The following AOPEP variants were observed in gnomAD, a reference collection of about 807,000 sequenced individuals.
AOPEP encodes the protein aminopeptidase O.
Under a neutral mutation model 98.1 loss-of-function variants are expected in AOPEP, and 77 were observed. That is an observed-to-expected ratio of 0.78 (90% CI 0.65 to 0.95). AOPEP has a LOEUF of 0.95. Among genes scored for constraint, AOPEP ranks in the 40% least tolerant of loss-of-function variants. AOPEP has a pLI of 0.00. For synonymous variants in AOPEP, 346 were observed against 365.3 expected, an observed-to-expected ratio of 0.95 and a Z score of 0.60; for missense variants, 1,024 against 1,024.7, an observed-to-expected ratio of 1.00 and a Z score of 0.01.
chr9:94,955,912 ACTTC>A lies in AOPEP; in HGVS notation c.1774_1777del (p.Leu592PhefsTer17). 1 of 1,607,868 alleles carries A rather than the reference ACTTC, an allele frequency of 6.2e-7. No individual in the cohort carries two copies. The highest frequency in any genetic ancestry group is 8.5e-7 in the Non-Finnish European group (1 of 1,176,280). On this transcript the variant is annotated frameshift_variant, in exon 9 of 17. Transcript: ENST00000375315. LOFTEE classifies it high-confidence loss of function. ...TCTCTTTTTTCTTTCTTCTAGGGCT[ACTTC>A]CTTCTTCGGTTTCTTGCCAAAAGAC... is the stretch of plus-strand genomic sequence containing the variant.
chr9:95,105,672 T>C, the AOPEP span, among the ~76,000 whole-genome samples: 1 of 152,180 alleles, frequency 6.6e-6, no homozygotes, highest in Non-Finnish European at 1.5e-5. Context: ...CTTGGGAAAC[T>C]CTAGCACTTC....
At chr9:94,996,387 T>A (rs1012515099) in intron 11 of AOPEP, among the ~76,000 whole-genome samples, 4 of 143,856 alleles carry the variant, frequency 2.8e-5, no homozygotes, top group African/African-American at 8.0e-5. Flanking sequence ...TGTGTGTGTG[T>A]GTGTGAGAGA....
intron 5 of AOPEP, among the ~76,000 whole-genome samples, chr9:94,923,012 G>A (rs1318148664): frequency 6.6e-6 from 1 of 152,200 alleles, no homozygotes; most frequent in Admixed American, 6.5e-5. Flanking sequence ...GGAGGAACCG[G>A]TGTGTACAGT....
intron 5 of AOPEP, among the ~76,000 whole-genome samples, chr9:94,892,669 G>C (rs2049008253): frequency 6.6e-6 from 1 of 150,542 alleles, no homozygotes; most frequent in Non-Finnish European, 1.5e-5. Context: ...CTATTGTCCT[G>C]TTGTCATTTG....
downstream of AOPEP, among the ~76,000 whole-genome samples, chr9:95,089,698 G>T (rs956101704): frequency 1.3e-5 from 2 of 152,300 alleles, no homozygotes; most frequent in South Asian, 4.1e-4. Context: ...GTGGGGGCAC[G>T]GGCTGCTTTG....
Position 94,760,098 on chromosome 9 carries a change from T to G in AOPEP, c.315T>G (p.Gly105=). 1 of 1,614,088 alleles carries G rather than the reference T, an allele frequency of 6.2e-7. No homozygotes were observed. The highest frequency in any genetic ancestry group is 8.5e-7 in the Non-Finnish European group (1 of 1,180,000). Reference sequence around the variant, plus strand: ...ATGATTTTGCAATCTGTAGTAAAGGTGAAAAAGATACTTCTGATAAAGATG... The same window carrying G: ...ATGATTTTGCAATCTGTAGTAAAGGGGAAAAAGATACTTCTGATAAAGATG... The part of the protein sequence containing the change: ...EYNDFAICSK[G]EKDTSDKDGN... Residue 105 remains glycine, a synonymous_variant, in exon 2 of 17, where the codon GGT becomes GGG. Coordinates refer to ENST00000375315, the MANE Select transcript of AOPEP (RefSeq NM_001193329.3).
At chr9:95,122,208 AC>A in the AOPEP span, among the ~76,000 whole-genome samples, 5 of 152,174 alleles carry the variant, frequency 3.3e-5, no homozygotes, top group African/African-American at 1.2e-4. Context: ...AGGGAGGAGC[AC>A]GTGGATAGAC....
At chr9:95,131,079 G>A in the AOPEP span, among the ~76,000 whole-genome samples, 2 of 152,084 alleles carry the variant, frequency 1.3e-5, no homozygotes, top group East Asian at 1.9e-4. Flanking sequence ...ATCTTTACCA[G>A]ATGTTGTTTA....
intron 5 of AOPEP, among the ~76,000 whole-genome samples, chr9:94,821,970 A>AAC (rs34645632): frequency 0.25 from 35,572 of 141,176 alleles, 4,387 homozygotes; most frequent in East Asian, 0.36. Context: ...TGTGTGTGTA[A>AAC]ACACACACAC....
the AOPEP span, among the ~76,000 whole-genome samples, chr9:95,140,089 C>T: frequency 1.3e-5 from 2 of 151,874 alleles, no homozygotes; most frequent in Non-Finnish European, 1.5e-5. Flanking sequence ...AAATCCCTAC[C>T]TAATAATTGG....
At chr9:95,018,546 T>TAA in intron 13 of AOPEP, among the ~76,000 whole-genome samples, 1 of 152,374 alleles carries the variant, frequency 6.6e-6, no homozygotes, top group Admixed American at 6.5e-5. Context: ...AACCTGCTTT[T>TAA]GTTCTGTCAA....
At chr9:94,906,493 AC>A (rs1341528779) in intron 5 of AOPEP, among the ~76,000 whole-genome samples, 1 of 148,934 alleles carries the variant, frequency 6.7e-6, no homozygotes, top group Non-Finnish European at 1.5e-5. Flanking sequence ...AAAAAAACAG[AC>A]CCCCTCTCTA....
chr9:94,976,771 A>G (rs1190631650), intron 10 of AOPEP, among the ~76,000 whole-genome samples: 1 of 151,108 alleles, frequency 6.6e-6, no homozygotes, highest in Non-Finnish European at 1.5e-5. Flanking sequence ...GGCTCAAGCC[A>G]TTCTCCCACC....
At chr9:94,997,194 T>C (rs1295393438) in intron 11 of AOPEP, among the ~76,000 whole-genome samples, 1 of 152,252 alleles carries the variant, frequency 6.6e-6, no homozygotes, top group Non-Finnish European at 1.5e-5. Flanking sequence ...GGTAGAATGT[T>C]GAAATCTTCC....
At chr9:95,035,861 TA>T (rs2064772855) in intron 13 of AOPEP, among the ~76,000 whole-genome samples, 1 of 152,060 alleles carries the variant, frequency 6.6e-6, no homozygotes, top group Admixed American at 6.5e-5. Context: ...TGTGTGGCCT[TA>T]CTTGCTTGTC....
chr9:94,900,561 T>G (rs1167671275), intron 5 of AOPEP: 1 of 152,308 alleles, frequency 6.6e-6, no homozygotes, highest in Non-Finnish European at 1.5e-5. Flanking sequence ...TTCTTCTTCC[T>G]GATTTATCAC....
intron 11 of AOPEP, among the ~76,000 whole-genome samples, chr9:95,003,616 C>T (rs2061708452): frequency 6.6e-6 from 1 of 152,186 alleles, no homozygotes. Flanking sequence ...ATTTACCTGC[C>T]TATGTGCAAG....
the AOPEP span, among the ~76,000 whole-genome samples, chr9:95,147,309 G>T: frequency 1.3e-5 from 2 of 152,126 alleles, no homozygotes; most frequent in African/African-American, 4.8e-5. Context: ...CCTGAGGTCG[G>T]GATTTCGAGA....
Position 95,080,616 on chromosome 9 carries a change from AG to A in AOPEP, c.2233-76del. On this transcript the variant is annotated intron_variant, in intron 14 of 16. Transcript: ENST00000375315. The stretch of plus-strand genomic sequence containing the variant: ...GAGAGCACAGCTTTCCGGAATACAG[AG>A]GCTGCCTGTCACTGGGCCCGGTGGG... 4 of 928,170 alleles carry A rather than the reference AG, an allele frequency of 4.3e-6. No homozygotes were observed. In the South Asian group the frequency reaches 5.4e-5, roughly 13 times the overall value. The allele number at this position is 928,170 out of a possible 1,614,324, so 57.5% of individuals were successfully genotyped here.
Sources: gnomAD v4.1 joint callset for allele counts (sites outside exome capture counted in the v4.1 genomes callset) on GRCh38, gnomAD v4.1.1 for gene constraint, MANE v1.5 for transcripts, NCBI Gene and HGNC (gene_info 2026-07-23, HGNC 2026-07-21) for gene names.